QTMAN: variants seen among roughly 807,000 people sequenced by gnomAD.
The protein encoded by QTMAN is tRNA-queuosine alpha-mannosyltransferase.
the QTMAN span, chr2:144,332,538 TGCCGCCGCCCCTCCCGGCCCGCGGCC>T: frequency 3.4e-5 from 5 of 147,764 alleles, no homozygotes; most frequent in African/African-American, 7.3e-5. Context: ...CCGCCGCGGA[TGCCGCCGCCCCTCCCGGCCCGCGGCC>T]GCCTCGGCCT....
the QTMAN span, among the ~76,000 whole-genome samples, chr2:143,975,844 T>C: frequency 6.6e-6 from 1 of 152,154 alleles, no homozygotes; most frequent in East Asian, 1.9e-4. Context: ...GAAATATAGT[T>C]GGGTTGGGTT....
At chr2:144,290,007 C>T in the QTMAN span, among the ~76,000 whole-genome samples, 1 of 152,222 alleles carries the variant, frequency 6.6e-6, no homozygotes, top group African/African-American at 2.4e-5. Context: ...CACCAAGTTT[C>T]AGCCAATCAA....
the QTMAN span, among the ~76,000 whole-genome samples, chr2:144,133,199 ATATATTTATATATACAT>A: frequency 1.3e-5 from 1 of 79,938 alleles, no homozygotes; most frequent in Non-Finnish European, 2.1e-5. Context: ...ATTTATATAT[ATATATTTATATATACAT>A]ATATAAATAT....
At chr2:144,017,067 C>T in the QTMAN span, among the ~76,000 whole-genome samples, 1 of 151,582 alleles carries the variant, frequency 6.6e-6, no homozygotes, top group African/African-American at 2.4e-5. Flanking sequence ...CACAGTGGCA[C>T]GATCCCAGCT....
chr2:144,245,339 C>G, the QTMAN span, among the ~76,000 whole-genome samples: 4 of 152,186 alleles, frequency 2.6e-5, no homozygotes, highest in Non-Finnish European at 1.5e-5. Flanking sequence ...AAACCTTTAA[C>G]TAGTTCTTTA....
At chr2:144,254,291 G>C in the QTMAN span, among the ~76,000 whole-genome samples, 283 of 152,184 alleles carry the variant, frequency 1.9e-3, 1 homozygote, top group Middle Eastern at 6.8e-3. Flanking sequence ...GTGTGGTTGT[G>C]GGCGCCTGTA....
At chr2:144,256,351 CA>C in the QTMAN span, among the ~76,000 whole-genome samples, 2 of 152,148 alleles carry the variant, frequency 1.3e-5, no homozygotes, top group Non-Finnish European at 2.9e-5. Context: ...GATACTTATA[CA>C]CCAAGCAGCC....
At chr2:144,135,599 C>T in the QTMAN span, among the ~76,000 whole-genome samples, 1 of 152,062 alleles carries the variant, frequency 6.6e-6, no homozygotes, top group East Asian at 1.9e-4. Context: ...AATATGCTTT[C>T]AAAAGCCTTG....
the QTMAN span, among the ~76,000 whole-genome samples, chr2:144,133,156 A>AT: frequency 1.6e-4 from 8 of 49,156 alleles, no homozygotes; most frequent in African/African-American, 3.4e-4. Flanking sequence ...TATATAATAT[A>AT]ATATAATATA....
the QTMAN span, among the ~76,000 whole-genome samples, chr2:144,104,028 T>A: frequency 1.3e-5 from 2 of 152,136 alleles, no homozygotes; most frequent in African/African-American, 4.8e-5. Flanking sequence ...AAGCAGGGGT[T>A]GCAGTGAGCC....
the QTMAN span, among the ~76,000 whole-genome samples, chr2:144,321,575 G>A: frequency 2.7e-3 from 411 of 152,228 alleles, no homozygotes; most frequent in African/African-American, 9.3e-3. Flanking sequence ...ACGGATTAGC[G>A]TATGGACTTC....
the QTMAN span, among the ~76,000 whole-genome samples, chr2:144,110,762 T>C: frequency 6.6e-6 from 1 of 151,430 alleles, no homozygotes; most frequent in East Asian, 2.0e-4. Context: ...TTAAACTCTT[T>C]GCAACTTATT....
chr2:143,982,497 A>T, the QTMAN span, among the ~76,000 whole-genome samples: 19 of 151,746 alleles, frequency 1.3e-4, 1 homozygote, highest in Admixed American at 9.2e-4. Flanking sequence ...GGCCTCCCAA[A>T]GTGCTGGGAT....
chr2:144,234,581 G>A, the QTMAN span, among the ~76,000 whole-genome samples: 2 of 152,154 alleles, frequency 1.3e-5, no homozygotes, highest in African/African-American at 4.8e-5. Context: ...CTAATACAGT[G>A]TTGATAAATA....
chr2:144,108,139 G>C, the QTMAN span, among the ~76,000 whole-genome samples: 2 of 152,136 alleles, frequency 1.3e-5, no homozygotes, highest in African/African-American at 4.8e-5. Context: ...CAAACCCACA[G>C]CCAATATCAT....
chr2:144,213,116 C>A, the QTMAN span, among the ~76,000 whole-genome samples: 1 of 152,156 alleles, frequency 6.6e-6, no homozygotes, highest in African/African-American at 2.4e-5. Context: ...CAATTAAAAA[C>A]TAATAATGCA....
the QTMAN span, among the ~76,000 whole-genome samples, chr2:144,048,693 C>T: frequency 4.6e-5 from 7 of 152,088 alleles, no homozygotes; most frequent in Non-Finnish European, 8.8e-5. Flanking sequence ...GATCCTAGAT[C>T]AGTGGTACAA....
At chr2:144,157,679 T>C in the QTMAN span, among the ~76,000 whole-genome samples, 2 of 152,142 alleles carry the variant, frequency 1.3e-5, no homozygotes, top group South Asian at 4.1e-4. Context: ...ATGGAGTTTC[T>C]ATTCATACTG....
At chr2:144,256,732 G>A in the QTMAN span, among the ~76,000 whole-genome samples, 2 of 152,148 alleles carry the variant, frequency 1.3e-5, no homozygotes, top group African/African-American at 4.8e-5. Context: ...AAAAGGGAGG[G>A]AAAGGCATTA....
Sources: allele counts gnomAD v4.1 joint callset (sites outside exome capture counted in the v4.1 genomes callset), GRCh38; gene constraint gnomAD v4.1.1; transcripts MANE v1.5; gene names NCBI Gene and HGNC (gene_info 2026-07-23, HGNC 2026-07-21).